Variants in FANCM observed in about 807,000 individuals in gnomAD.
FANCM encodes the protein Fanconi anemia group M protein.
FANCM carries 140 observed loss-of-function variants against 199.5 expected under a neutral mutation model. The observed-to-expected ratio is 0.70, with a 90% CI of 0.61 to 0.81. FANCM has a LOEUF of 0.81. Among genes scored for constraint, FANCM ranks in the 30% least tolerant of loss-of-function variants. The pLI is 0.00. For synonymous variants in FANCM, 840 were observed against 836.8 expected (o/e 1.00, Z -0.07); for missense variants, 2,410 against 2,421.4 (o/e 1.00, Z 0.10).
chr14:45,196,464 A>T lies in FANCM; in HGVS notation c.5633A>T (p.Asn1878Ile). The T allele has an allele frequency of 6.2e-7, 1 of 1,614,076 alleles. No individual in the cohort carries two copies. The highest frequency in any genetic ancestry group is 1.1e-5 in the South Asian group (1 of 91,082). ...QSEMLNSVNK[N>I]KFIEQIQHLQ... is the part of the protein sequence containing the mutation. ...GAGATGTTAAATAGTGTCAATAAGA[A>T]CAAGTTCATTGAGCAGATCCAGCAC... Residue 1878 changes from asparagine to isoleucine, a missense_variant, in exon 21 of 23, where the codon AAC becomes ATC. By Grantham distance (149) the Asn-to-Ile change is moderately radical. Coordinates refer to ENST00000267430, the MANE Select transcript of FANCM (RefSeq NM_020937.4).
Position 45,176,005 on chromosome 14 carries a change from A to C in FANCM, c.3251A>C (p.Asp1084Ala). 1 of 1,613,724 alleles carries C rather than the reference A, an allele frequency of 6.2e-7. No individual in the cohort carries two copies. ...GATGAGCCAAGTCTCTGTGACTGTG[A>C]TGTACATAAACATAATCAAAATGAA... ...ISDEPSLCDC[D>A]VHKHNQNENL... Residue 1084 changes from aspartate (D) to alanine (A), a missense_variant, in exon 14 of 23, where the codon GAT becomes GCT. Asp to Ala is a moderately radical substitution (Grantham distance 126, BLOSUM62 -2). Transcript: ENST00000267430.
At chr14:45,171,010 CCTTT>C (rs1409764036) in intron 12 of FANCM, among the ~76,000 whole-genome samples, 1 of 151,926 alleles carries the variant, frequency 6.6e-6, no homozygotes, top group Non-Finnish European at 1.5e-5. Context: ...ATAAATTATG[CCTTT>C]CTTTCATTAC....
chr14:45,146,379 C>T (rs186223220), intron 3 of FANCM, among the ~76,000 whole-genome samples: 3 of 151,554 alleles, frequency 2.0e-5, no homozygotes, highest in Non-Finnish European at 4.4e-5. Flanking sequence ...AGATAGTTGT[C>T]AAATTTGATG....
At chr14:45,159,340 T>C in intron 9 of FANCM, 60 bp downstream of exon 9, 1 of 1,315,528 alleles carries the variant, frequency 7.6e-7, no homozygotes, top group Non-Finnish European at 1.1e-6. Flanking sequence ...GCACTTGTTC[T>C]TTTTTTGTTA....
At chr14:45,177,037 T>G in intron 14 of FANCM, 61 bp downstream of exon 14, 1 of 1,116,136 alleles carries the variant, frequency 9.0e-7, no homozygotes. Context: ...TAGAAATACT[T>G]TGGTAATTTT....
intron 8 of FANCM, among the ~76,000 whole-genome samples, chr14:45,156,482 G>A (rs749859565): frequency 2.0e-5 from 3 of 152,160 alleles, no homozygotes; most frequent in African/African-American, 7.2e-5. Context: ...AAAGTATTAC[G>A]ATAGTCTTGG....
At chr14:45,194,655 G>A (rs1160901429) in intron 20 of FANCM, among the ~76,000 whole-genome samples, 1 of 152,044 alleles carries the variant, frequency 6.6e-6, no homozygotes, top group African/African-American at 2.4e-5. Flanking sequence ...TGCGTATGTA[G>A]GTTGTTTCTA....
chr14:45,168,562 A>C (rs917773600), intron 11 of FANCM, among the ~76,000 whole-genome samples: 2 of 150,908 alleles, frequency 1.3e-5, no homozygotes, highest in Admixed American at 6.6e-5. Context: ...ACTTATGTTC[A>C]TTTTTCTATA....
chr14:45,193,122 T>C (rs226981), intron 20 of FANCM, among the ~76,000 whole-genome samples: 52,172 of 152,114 alleles, frequency 0.34, 10,467 homozygotes, highest in Non-Finnish European at 0.45. Flanking sequence ...AGCTTTAAGC[T>C]ACTGTGGGAA....
Position 45,176,129 on chromosome 14 carries a change from A to G in FANCM, c.3375A>G (p.Val1125=), listed in dbSNP as rs982534364. Residue 1125 remains valine, a synonymous_variant, in exon 14 of 23, where the codon GTA becomes GTG. Coordinates refer to ENST00000267430, the MANE Select transcript of FANCM (RefSeq NM_020937.4). ...NHDVDNSDLP[V]LSTDQDESLL... ...ATGTTGATAACAGTGACCTCCCAGT[A>G]TTGTCCACTGATCAAGATGAAAGTT... The G allele has an allele frequency of 3.1e-6, 5 of 1,613,778 alleles. No individual in the cohort carries two copies. The African/African-American group carries it at 4.0e-5, about 13-fold the overall frequency.
chr14:45,148,786 TA>T, intron 3 of FANCM, 50 bp from the exon 4 acceptor site: 1 of 1,370,838 alleles, frequency 7.3e-7, no homozygotes. Context: ...TGACTTAAAC[TA>T]AAAAATTTTA....
rs753821216 is a variant in FANCM, at chr14:45,176,643, C to T, written c.3889C>T (p.Pro1297Ser). Residue 1297 changes from proline to serine, a missense_variant, in exon 14 of 23, where the codon CCA becomes TCA. Pro to Ser is a moderately conservative substitution (Grantham distance 74). Coordinates refer to ENST00000267430, the MANE Select transcript of FANCM (RefSeq NM_020937.4). Reference sequence around the variant, plus strand: ...TTTTACTAGTGGAACTGTTATTATCCCATCAAATGAAGATATGCAGAATCC... The same window carrying T: ...TTTTACTAGTGGAACTGTTATTATCTCATCAAATGAAGATATGCAGAATCC... ...KNFTSGTVII[P>S]SNEDMQNPNY... 12 of 1,613,262 alleles carry T rather than the reference C, an allele frequency of 7.4e-6. No homozygotes were observed. The highest frequency in any genetic ancestry group is 3.3e-5 in the Admixed American group (2 of 59,938).
Position 45,181,704 on chromosome 14 carries a change from GAGTA to G in FANCM, c.4386+5_4386+8del. Reference sequence around the variant, plus strand: ...AAAAAGCGCAGATTTCCTATAAACAGAGTAAGTAAATACCAGGTAATGTATAGTA... The same window carrying G: ...AAAAAGCGCAGATTTCCTATAAACAGAGTAAATACCAGGTAATGTATAGTA... On this transcript the variant is annotated splice_donor_variant and splice_donor_region_variant and coding_sequence_variant and intron_variant, in exon 16 of 23. Transcript: ENST00000267430. LOFTEE classifies it high-confidence loss of function. 6.3e-7 allele frequency: 1 copy of G among 1,597,220 alleles called. No individual in the cohort carries two copies. The highest frequency in any genetic ancestry group is 2.2e-5 in the East Asian group (1 of 44,652).
At chr14:45,173,611 A>G (rs1346788624) in intron 13 of FANCM, among the ~76,000 whole-genome samples, 1 of 152,220 alleles carries the variant, frequency 6.6e-6, no homozygotes, top group African/African-American at 2.4e-5. Flanking sequence ...TCCTAGAGTC[A>G]GCATAGTGAA....
intron 5 of FANCM, among the ~76,000 whole-genome samples, chr14:45,152,060 G>A (rs373024223): frequency 2.8e-5 from 4 of 144,428 alleles, no homozygotes; most frequent in African/African-American, 5.2e-5. Flanking sequence ...ACAGAATTTC[G>A]CTCTATTGCC....
rs2139319438 is a variant in FANCM at position 45,196,284 on chromosome 14, C to T, written c.5453C>T (p.Thr1818Ile). ...AGACTTCCGCAGGAAGGAAAAGGAA[C>T]CTGTATTCTTGTAGGTGGTCATGAA... is the stretch of plus-strand genomic sequence containing the variant. Reference protein sequence around the residue: ...SLRLPQEGKGTCILVGGHEIT... With the variant: ...SLRLPQEGKGICILVGGHEIT... The change falls in exon 21 of 23, where the codon ACC becomes ATC. Residue 1818 changes from threonine to isoleucine, a missense_variant. By Grantham distance (89) the Thr-to-Ile change is moderately conservative. Transcript: ENST00000267430. 6.2e-7 allele frequency: 1 copy of T among 1,614,042 alleles called. No homozygotes were observed. Among genetic ancestry groups the T allele is most frequent in the Non-Finnish European group, 8.5e-7 (1 of 1,179,980 alleles).
chr14:45,184,634 C>G (rs1889274833), intron 17 of FANCM, among the ~76,000 whole-genome samples: 1 of 144,386 alleles, frequency 6.9e-6, no homozygotes, highest in African/African-American at 2.6e-5. Context: ...GCACTCCCGC[C>G]TGGGCAACAA....
At chr14:45,149,181 A>C (rs1177904244) in intron 4 of FANCM, among the ~76,000 whole-genome samples, 186 bp downstream of exon 4, 1 of 152,154 alleles carries the variant, frequency 6.6e-6, no homozygotes, top group African/African-American at 2.4e-5. Flanking sequence ...GCAAACTGTT[A>C]TTGAAAGGGA....
rs111961783 is a variant in FANCM, at chr14:45,137,345, A to G, written c.681+104A>G. 7.1e-5 allele frequency: 65 copies of G among 914,236 alleles called. 3 individuals are homozygous for G. The highest frequency in any genetic ancestry group is 4.3e-4 in the African/African-American group (26 of 60,938). 56.6% of individuals were successfully genotyped at this position (914,236 alleles called of 1,614,324 possible). A position where few individuals can be genotyped will look rare whatever the true frequency, so the allele number is the denominator to read the frequency against. ...GAAGTTATTGACAATATTATTATAAAAAGCCTTTACGTCTATTATCTCAGA... is the reference window on the plus strand; with the variant it reads ...GAAGTTATTGACAATATTATTATAAGAAGCCTTTACGTCTATTATCTCAGA... On this transcript the variant is annotated intron_variant, in intron 2 of 22. Coordinates refer to ENST00000267430, the MANE Select transcript of FANCM (RefSeq NM_020937.4).
Sources: allele counts gnomAD v4.1 joint callset (sites outside exome capture counted in the v4.1 genomes callset), GRCh38; gene constraint gnomAD v4.1.1; transcripts MANE v1.5; gene names NCBI Gene and HGNC (gene_info 2026-07-23, HGNC 2026-07-21).